The following TICAM2 variants were observed in gnomAD, a reference collection of about 807,000 sequenced individuals.
The protein encoded by TICAM2 is TIR domain-containing adapter molecule 2.
In TICAM2, 8 loss-of-function variants were observed where a neutral mutation model predicts 7.3. The observed-to-expected ratio is 1.10, with a 90% confidence interval of 0.65 to 1.99. The LOEUF (loss-of-function observed/expected upper bound fraction) is 1.99, where lower values mean the gene tolerates loss of function less well. Among genes scored for constraint, TICAM2 ranks in the 30% most tolerant of loss-of-function variants. The pLI is 0.00. For synonymous variants in TICAM2, 113 were observed against 99.6 expected (o/e 1.13, Z -0.80); for missense variants, 304 against 278.8 (o/e 1.09, Z -0.65).
intron 1 of TICAM2, among the ~76,000 whole-genome samples, chr5:115,585,055 T>C (rs1580407412): frequency 6.6e-6 from 1 of 152,236 alleles, no homozygotes; most frequent in African/African-American, 2.4e-5. Flanking sequence ...TCAGACTGCC[T>C]GAGTGTAAAT....
chr5:115,599,001 G>A (rs1273259943), intron 1 of TICAM2, among the ~76,000 whole-genome samples: 1 of 151,398 alleles, frequency 6.6e-6, no homozygotes, highest in Non-Finnish European at 1.5e-5. Context: ...GGTTGAGGTG[G>A]GAAAATTGCT....
At chr5:115,597,493 T>C (rs991025356) in intron 1 of TICAM2, among the ~76,000 whole-genome samples, 2 of 152,184 alleles carry the variant, frequency 1.3e-5, no homozygotes, top group African/African-American at 4.8e-5. Context: ...TATTAAACCA[T>C]TAAAAATGTT....
At chr5:115,596,485 T>A (rs950848997) in intron 1 of TICAM2, among the ~76,000 whole-genome samples, 14 of 152,198 alleles carry the variant, frequency 9.2e-5, no homozygotes, top group African/African-American at 3.4e-4. Context: ...TGGGTCTTTA[T>A]GGGTCTGTAA....
chr5:115,590,976 G>A (rs1434911830), intron 1 of TICAM2, among the ~76,000 whole-genome samples: 3 of 152,032 alleles, frequency 2.0e-5, no homozygotes, highest in Non-Finnish European at 1.5e-5. Context: ...TATCAAAATG[G>A]GGCTATTTGC....
chr5:115,585,673 T>C (rs973224170), intron 1 of TICAM2, among the ~76,000 whole-genome samples: 1 of 152,120 alleles, frequency 6.6e-6, no homozygotes, highest in Non-Finnish European at 1.5e-5. Flanking sequence ...AAGGAAAATA[T>C]AGAAACCGCA....
At chr5:115,595,357 C>A (rs1191989261) in intron 1 of TICAM2, among the ~76,000 whole-genome samples, 1 of 152,204 alleles carries the variant, frequency 6.6e-6, no homozygotes, top group East Asian at 1.9e-4. Flanking sequence ...CCCCACAACT[C>A]CACCCACTAA....
rs764266348 is a variant in TICAM2, at chr5:115,580,915, C to T, written c.342G>A (p.Glu114=). 6.2e-7 allele frequency: 1 copy of T among 1,613,846 alleles called. No individual in the cohort carries two copies. Among genetic ancestry groups the T allele is most frequent in the Admixed American group, 1.7e-5 (1 of 60,024 alleles). ...GTAAATGCTGTCTGCCACATGGCAT[C>T]TCAGCAAAGATTATTCCGGGTTTGA... ...FGIKPGIIFA[E]MPCGRQHLQN... The change falls in exon 2 of 2, where the codon GAG becomes GAA. Residue 114 remains glutamate, a synonymous_variant. Transcript: ENST00000427199.
At chr5:115,590,159 G>C (rs538689559) in intron 1 of TICAM2, among the ~76,000 whole-genome samples, 3 of 152,158 alleles carry the variant, frequency 2.0e-5, no homozygotes, top group African/African-American at 7.2e-5. Flanking sequence ...ACCAGCCTGG[G>C]CAACAAAGCA....
chr5:115,595,293 C>T (rs1444897365), intron 1 of TICAM2, among the ~76,000 whole-genome samples: 1 of 152,152 alleles, frequency 6.6e-6, no homozygotes, highest in Admixed American at 6.5e-5. Context: ...CTACCGATTA[C>T]GACGGAAACC....
At chr5:115,592,710 G>A (rs1288275891) in intron 1 of TICAM2, among the ~76,000 whole-genome samples, 1 of 152,038 alleles carries the variant, frequency 6.6e-6, no homozygotes, top group Non-Finnish European at 1.5e-5. Context: ...GAAAATTATA[G>A]ATCAGTCTAA....
intron 1 of TICAM2, among the ~76,000 whole-genome samples, chr5:115,599,309 C>T (rs1580421572): frequency 6.6e-6 from 1 of 151,996 alleles, no homozygotes; most frequent in African/African-American, 2.4e-5. Flanking sequence ...TAACTGCCCC[C>T]CACCAAATAT....
intron 1 of TICAM2, among the ~76,000 whole-genome samples, chr5:115,598,757 A>G (rs1755605237): frequency 1.3e-5 from 2 of 152,176 alleles, no homozygotes; most frequent in Admixed American, 6.5e-5. Flanking sequence ...TTCTGAAATA[A>G]GAAGGAATTT....
intron 1 of TICAM2, among the ~76,000 whole-genome samples, chr5:115,586,609 C>A (rs971201937): frequency 6.6e-6 from 1 of 152,030 alleles, no homozygotes; most frequent in Non-Finnish European, 1.5e-5. Context: ...AGTAGGGTGA[C>A]CGATGAATGT....
At chr5:115,600,291 G>T (rs749691992) in intron 1 of TICAM2, among the ~76,000 whole-genome samples, 1 of 152,212 alleles carries the variant, frequency 6.6e-6, no homozygotes, top group Admixed American at 6.5e-5. Flanking sequence ...ACTTCCAAGT[G>T]GAGATGCTGA....
intron 1 of TICAM2, among the ~76,000 whole-genome samples, chr5:115,583,364 G>A (rs1754997212): frequency 1.3e-5 from 2 of 152,182 alleles, no homozygotes; most frequent in Admixed American, 1.3e-4. Flanking sequence ...AACTTCTAGG[G>A]TAAGATAGTG....
At chr5:115,600,943 A>G (rs758094441) in intron 1 of TICAM2, among the ~76,000 whole-genome samples, 57 of 152,222 alleles carry the variant, frequency 3.7e-4, no homozygotes, top group Non-Finnish European at 6.8e-4. Flanking sequence ...GAATAGCATA[A>G]GGAACAAATG....
At position 115,580,525 on chromosome 5, in the gene TICAM2, C is replaced by A. The variant is rs1754876840; in HGVS notation, c.*24G>T. 3.9e-6 allele frequency: 6 copies of A among 1,543,776 alleles called. No individual in the cohort carries two copies. In the African/African-American group the frequency reaches 5.6e-5, roughly 14 times the overall value. ...ATCATTTGGTTTACAAAACAAGAGC[C>A]AGCCACATGTTATATGTTTCATCTC... is the stretch of plus-strand genomic sequence containing the variant. On this transcript the variant is annotated 3_prime_UTR_variant, in exon 2 of 2. Transcript: ENST00000427199.
At position 115,579,239 on chromosome 5, in the gene TICAM2, G is replaced by A. The variant is rs779395358; in HGVS notation, c.*1310C>T. ...TGCAACTATTACATATCACTTTATC[G>A]AATCCAAACTTTTTTGCTTGTTCCC... is the stretch of plus-strand genomic sequence containing the variant. On this transcript the variant is annotated 3_prime_UTR_variant, in exon 2 of 2. Coordinates refer to ENST00000427199, the MANE Select transcript of TICAM2 (RefSeq NM_021649.7). The A allele has an allele frequency of 8.5e-5, 13 of 152,404 alleles. No homozygotes were observed. Among genetic ancestry groups the A allele is most frequent in the Non-Finnish European group, 1.2e-4 (8 of 68,010 alleles). The allele number at this position is 152,404 out of a possible 1,614,324, so 9.4% of individuals were successfully genotyped here.
At chr5:115,594,658 G>A (rs1271591602) in intron 1 of TICAM2, among the ~76,000 whole-genome samples, 7 of 152,152 alleles carry the variant, frequency 4.6e-5, no homozygotes, top group African/African-American at 1.7e-4. Context: ...ACATAAAAGT[G>A]ACAGTGGCTA....
Sources: allele counts gnomAD v4.1 joint callset (sites outside exome capture counted in the v4.1 genomes callset), GRCh38; gene constraint gnomAD v4.1.1; transcripts MANE v1.5; gene names NCBI Gene and HGNC (gene_info 2026-07-23, HGNC 2026-07-21).